Variants in OR2L13 observed in about 807,000 individuals in gnomAD.
OR2L13 encodes olfactory receptor 2L13.
In OR2L13, 14 loss-of-function variants were observed where a neutral mutation model predicts 15.3. The ratio of observed to expected loss-of-function variants is 0.91; its 90% confidence interval spans 0.60 to 1.43. OR2L13 has a LOEUF of 1.43. Ranked by LOEUF, OR2L13 falls within the 40% of genes most tolerant of loss-of-function variation. OR2L13 has a pLI of 0.00. For missense variants in OR2L13, 367 were observed against 387.9 expected (o/e 0.95, Z 0.45); for synonymous variants, 152 against 142.9 (o/e 1.06, Z -0.45).
chr1:248,043,733 G>A, the OR2L13 span, among the ~76,000 whole-genome samples: 1 of 152,128 alleles, frequency 6.6e-6, no homozygotes, highest in Non-Finnish European at 1.5e-5. Flanking sequence ...AAGGCAAAGT[G>A]TGAAAGAACA....
chr1:248,091,487 A>G (rs1422987397), upstream of OR2L13, among the ~76,000 whole-genome samples: 8 of 152,006 alleles, frequency 5.3e-5, no homozygotes, highest in Non-Finnish European at 1.2e-4. Flanking sequence ...TCCAGTTACA[A>G]TCTTCTGCAT....
the OR2L13 span, among the ~76,000 whole-genome samples, chr1:247,948,551 CTG>C: frequency 1.3e-5 from 2 of 152,126 alleles, no homozygotes; most frequent in Non-Finnish European, 2.9e-5. Flanking sequence ...ACAAAGAAGT[CTG>C]AGTACAGTAC....
the OR2L13 span, chr1:248,023,997 T>C: frequency 6.6e-6 from 1 of 152,188 alleles, no homozygotes; most frequent in Non-Finnish European, 1.5e-5. Flanking sequence ...AATAACATCA[T>C]GTGATCAGAA....
chr1:248,072,904 TG>T, the OR2L13 span, among the ~76,000 whole-genome samples: 1 of 152,074 alleles, frequency 6.6e-6, no homozygotes, highest in Non-Finnish European at 1.5e-5. Context: ...ATCAGGGAAA[TG>T]CAAATCAAAA....
At chr1:248,072,334 G>A in the OR2L13 span, among the ~76,000 whole-genome samples, 3 of 151,856 alleles carry the variant, frequency 2.0e-5, no homozygotes, top group South Asian at 2.1e-4. Context: ...CATATCTATG[G>A]CTATCTGATC....
the OR2L13 span, chr1:248,038,573 C>T: frequency 6.2e-7 from 1 of 1,614,172 alleles, no homozygotes; most frequent in Non-Finnish European, 8.5e-7. Context: ...AGAGTTTCTT[C>T]TTCTTGACTT....
chr1:247,979,648 C>T, the OR2L13 span, among the ~76,000 whole-genome samples: 71 of 151,912 alleles, frequency 4.7e-4, no homozygotes, highest in Non-Finnish European at 9.9e-4. Context: ...TCAGCTTGAC[C>T]TCCGTGGGCT....
the OR2L13 span, among the ~76,000 whole-genome samples, chr1:248,009,980 A>G: frequency 2.0e-5 from 3 of 152,168 alleles, no homozygotes; most frequent in East Asian, 5.8e-4. Flanking sequence ...GCATGCTAAA[A>G]ACTCTCAATA....
the OR2L13 span, chr1:248,038,616 A>G: frequency 5.4e-5 from 87 of 1,614,176 alleles, no homozygotes; most frequent in South Asian, 7.2e-4. Context: ...CCTGACATCA[A>G]TGGCCTATGA....
chr1:248,038,845 T>C, the OR2L13 span: 1 of 1,614,148 alleles, frequency 6.2e-7, no homozygotes, highest in Non-Finnish European at 8.5e-7. Context: ...GACACTTGGG[T>C]CTATGAGAGC....
At chr1:247,944,920 A>G in the OR2L13 span, among the ~76,000 whole-genome samples, 1 of 151,146 alleles carries the variant, frequency 6.6e-6, no homozygotes, top group African/African-American at 2.4e-5. Flanking sequence ...CTTGCTAATG[A>G]TCTATCTATT....
chr1:247,988,059 T>G, the OR2L13 span, among the ~76,000 whole-genome samples: 3 of 152,068 alleles, frequency 2.0e-5, no homozygotes, highest in Non-Finnish European at 4.4e-5. Context: ...TTCATGAAAT[T>G]TTTTCTAGGA....
At chr1:247,959,021 T>C in the OR2L13 span, among the ~76,000 whole-genome samples, 1 of 152,202 alleles carries the variant, frequency 6.6e-6, no homozygotes, top group Non-Finnish European at 1.5e-5. Flanking sequence ...TTAGTTGATG[T>C]AGTTTCTTCC....
At chr1:248,007,445 C>A in the OR2L13 span, among the ~76,000 whole-genome samples, 1 of 152,156 alleles carries the variant, frequency 6.6e-6, no homozygotes, top group Admixed American at 6.5e-5. Context: ...GAGGCCACTC[C>A]TTTCCCCTTA....
chr1:248,007,988 T>G, the OR2L13 span, among the ~76,000 whole-genome samples: 1 of 152,176 alleles, frequency 6.6e-6, no homozygotes, highest in Non-Finnish European at 1.5e-5. Context: ...TTTATTAGTT[T>G]GAGCTGAAAA....
At chr1:247,948,976 G>A in the OR2L13 span, 1 of 1,613,726 alleles carries the variant, frequency 6.2e-7, no homozygotes, top group Non-Finnish European at 8.5e-7. Context: ...GCTCTAATTG[G>A]AAACCTGTCC....
At chr1:248,082,592 C>G in the OR2L13 span, among the ~76,000 whole-genome samples, 1 of 152,142 alleles carries the variant, frequency 6.6e-6, no homozygotes. Context: ...AATGTGATAG[C>G]CTGTCTCTGA....
the OR2L13 span, chr1:248,062,604 G>T: frequency 6.6e-6 from 1 of 152,180 alleles, no homozygotes; most frequent in African/African-American, 2.4e-5. Flanking sequence ...AGTGGGGATG[G>T]CTAATAGTTG....
the OR2L13 span, among the ~76,000 whole-genome samples, chr1:248,051,501 C>T: frequency 1.3e-5 from 2 of 152,092 alleles, no homozygotes. Context: ...ACAAATACTG[C>T]ATGTTCTCAG....
Sources: allele counts gnomAD v4.1 joint callset (sites outside exome capture counted in the v4.1 genomes callset), GRCh38; gene constraint gnomAD v4.1.1; transcripts MANE v1.5; gene names NCBI Gene and HGNC (gene_info 2026-07-23, HGNC 2026-07-21).